Variants in TMEM217 observed in about 807,000 individuals in gnomAD.
TMEM217 encodes the protein chromosome 6 open reading frame 128.
For synonymous variants in TMEM217, 76 were observed against 88.3 expected (o/e 0.86, Z 0.78); for missense variants, 204 against 248.8 (o/e 0.82, Z 1.21).
At chr6:37,240,100 GTA>G in intron 1 of TMEM217, among the ~76,000 whole-genome samples, 1 of 152,296 alleles carries the variant, frequency 6.6e-6, no homozygotes, top group Admixed American at 6.5e-5. Context: ...AAGCCTTTAA[GTA>G]TGTGTGACTG....
At chr6:37,245,499 A>G (rs2113902814) in intron 1 of TMEM217, among the ~76,000 whole-genome samples, 1 of 152,362 alleles carries the variant, frequency 6.6e-6, no homozygotes, top group East Asian at 1.9e-4. Flanking sequence ...AGCCCACAAC[A>G]TGTGCCATGA....
At chr6:37,217,521 A>T, downstream of TMEM217, 1 of 536,960 alleles carries the variant, frequency 1.9e-6, no homozygotes, top group Non-Finnish European at 2.4e-6. Flanking sequence ...CACACTACAG[A>T]GTACAGCACA....
chr6:37,234,842 A>G lies in TMEM217; in HGVS notation c.-11-15801T>C, dbSNP rs1764408664. On this transcript the variant is annotated intron_variant, in intron 1 of 1. Coordinates refer to ENST00000357219, the Ensembl canonical transcript of TMEM217. Reference sequence around the variant, plus strand: ...CTGAAAGTGGTTACCTGTGAAAAGTATGAATAGGGATAGGGAAGGAAGAAA... The same window carrying G: ...CTGAAAGTGGTTACCTGTGAAAAGTGTGAATAGGGATAGGGAAGGAAGAAA... Among the ~76,000 whole-genome samples, 6 of 152,348 alleles carry G rather than the reference A, an allele frequency of 3.9e-5. No homozygotes were observed. In the South Asian group the frequency reaches 1.2e-3, roughly 32 times the overall value.
chr6:37,221,084 T>A (rs1283081164), intron 1 of TMEM217, among the ~76,000 whole-genome samples: 2 of 152,182 alleles, frequency 1.3e-5, no homozygotes, highest in African/African-American at 2.4e-5. Flanking sequence ...TGTACACCCA[T>A]TAAGCAACGA....
At chr6:37,254,874 G>A (rs6909751) in intron 1 of TMEM217, among the ~76,000 whole-genome samples, 4,852 of 152,090 alleles carry the variant, frequency 0.032, 245 homozygotes, top group African/African-American at 0.11. Flanking sequence ...TGGGGGAGGG[G>A]GGTTAAAGGA....
chr6:37,238,614 G>A (rs1011829539), intron 1 of TMEM217, among the ~76,000 whole-genome samples: 9 of 152,190 alleles, frequency 5.9e-5, no homozygotes, highest in Non-Finnish European at 1.3e-4. Flanking sequence ...GGTAAGAGAA[G>A]ATGATGTGGC....
At position 37,226,070 on chromosome 6, in the gene TMEM217, T is replaced by C. The variant is rs138791518; in HGVS notation, c.-11-7029A>G. Among the ~76,000 whole-genome samples the C allele has an allele frequency of 4.5e-3, 680 of 152,256 alleles. 3 individuals are homozygous for C. Among genetic ancestry groups the C allele is most frequent in the African/African-American group, 0.015 (628 of 41,538 alleles). ...TACCTAAACTTCTTTATTGACGAAG[T>C]GTAATGAGAACTAGTGATCTACTGG... On this transcript the variant is annotated intron_variant, in intron 1 of 1. Transcript: ENST00000357219.
intron 1 of TMEM217, among the ~76,000 whole-genome samples, chr6:37,238,638 A>G (rs2113878464): frequency 6.6e-6 from 1 of 152,256 alleles, no homozygotes; most frequent in South Asian, 2.1e-4. Flanking sequence ...CACCATTCTC[A>G]CTTCTTCCTT....
At chr6:37,256,994 G>C (rs959244029) in intron 1 of TMEM217, among the ~76,000 whole-genome samples, 1 of 152,150 alleles carries the variant, frequency 6.6e-6, no homozygotes, top group Admixed American at 6.6e-5. Flanking sequence ...AGATTAACAA[G>C]GGAAATTAAG....
intron 1 of TMEM217, among the ~76,000 whole-genome samples, chr6:37,234,758 T>A (rs1430656434): frequency 6.6e-6 from 1 of 151,646 alleles, no homozygotes; most frequent in Non-Finnish European, 1.5e-5. Context: ...ATAAAATAAA[T>A]ATCGGTATAC....
At chr6:37,252,579 G>A (rs906873016) in intron 1 of TMEM217, among the ~76,000 whole-genome samples, 11 of 92,198 alleles carry the variant, frequency 1.2e-4, no homozygotes, top group Admixed American at 4.9e-4. Context: ...GTGTGTGCAC[G>A]TGTACGTGTA....
At chr6:37,246,485 C>T (rs1765089873) in intron 1 of TMEM217, among the ~76,000 whole-genome samples, 1 of 152,290 alleles carries the variant, frequency 6.6e-6, no homozygotes, top group Admixed American at 6.5e-5. Flanking sequence ...AAATATACTC[C>T]ATCTACTCTC....
At chr6:37,228,963 C>T (rs1476967031) in intron 1 of TMEM217, among the ~76,000 whole-genome samples, 6 of 151,768 alleles carry the variant, frequency 4.0e-5, no homozygotes, top group East Asian at 1.9e-4. Flanking sequence ...TGCCACTGCA[C>T]TCCAGCCTGG....
At chr6:37,215,094 T>C (rs1474994688), downstream of TMEM217, 8 of 1,483,322 alleles carry the variant, frequency 5.4e-6, no homozygotes, top group Non-Finnish European at 7.3e-6. Context: ...AGCCTTGGTC[T>C]CCACCCTCGG....
intron 1 of TMEM217, among the ~76,000 whole-genome samples, chr6:37,233,894 G>A (rs1764344460): frequency 6.6e-6 from 1 of 152,028 alleles, no homozygotes; most frequent in South Asian, 2.1e-4. Flanking sequence ...AACAATACTT[G>A]GAGTACCCAT....
At chr6:37,253,347 G>A (rs981366420) in intron 1 of TMEM217, among the ~76,000 whole-genome samples, 1 of 152,114 alleles carries the variant, frequency 6.6e-6, no homozygotes, top group Admixed American at 6.5e-5. Flanking sequence ...TTCTTGCCAG[G>A]TATGGTGACT....
chr6:37,239,609 C>T (rs752946033), intron 1 of TMEM217, among the ~76,000 whole-genome samples: 3 of 152,026 alleles, frequency 2.0e-5, no homozygotes, highest in Non-Finnish European at 2.9e-5. Context: ...TTGCAGTTGA[C>T]GGCACCTTAG....
rs147501093 is a variant in TMEM217, at chr6:37,257,399, A to T, written c.-12+169T>A. Among the ~76,000 whole-genome samples, 8 of 152,328 alleles carry T rather than the reference A, an allele frequency of 5.3e-5. 1 individual carries two copies. Among genetic ancestry groups the T allele is most frequent in the African/African-American group, 1.9e-4 (8 of 41,582 alleles). The stretch of plus-strand genomic sequence containing the variant: ...AACCAGAGTGTCATTGAATTGAGAG[A>T]TGTTAAAAATGGGCCACAACCAACA... On this transcript the variant is annotated intron_variant, in intron 1 of 1. Transcript: ENST00000357219.
chr6:37,245,713 G>A (rs1179061501), intron 1 of TMEM217, among the ~76,000 whole-genome samples: 1 of 152,054 alleles, frequency 6.6e-6, no homozygotes, highest in Non-Finnish European at 1.5e-5. Context: ...GGAGGAGGAG[G>A]AAGAGCAGGA....
Sources: gnomAD v4.1 joint callset for allele counts (sites outside exome capture counted in the v4.1 genomes callset) on GRCh38, gnomAD v4.1.1 for gene constraint, MANE v1.5 for transcripts, NCBI Gene and HGNC (gene_info 2026-07-23, HGNC 2026-07-21) for gene names.